Variants in TLE3 observed in about 807,000 individuals in gnomAD.
TLE3 encodes TLE family member 3, transcriptional corepressor, also known as transducin-like enhancer protein 3.
In TLE3, 14 loss-of-function variants were observed where a neutral mutation model predicts 93.0. That is an observed-to-expected ratio of 0.15 (90% confidence interval 0.10 to 0.24). TLE3 has a LOEUF of 0.24. Ranked by LOEUF, TLE3 falls within the 10% of genes least tolerant of loss-of-function variation. The pLI is 1.00. For missense variants in TLE3, 693 were observed against 1,046.6 expected (o/e 0.66, Z 4.66); for synonymous variants, 451 against 425.0 (o/e 1.06, Z -0.75).
chr15:70,057,904 T>A (rs1296400345), intron 12 of TLE3: 1 of 713,446 alleles, frequency 1.4e-6, no homozygotes, highest in African/African-American at 1.8e-5. Flanking sequence ...AGAGCCTCAC[T>A]GGACTAATGA....
At chr15:70,060,954 C>T (rs1184484755) in intron 8 of TLE3, among the ~76,000 whole-genome samples, 1 of 152,238 alleles carries the variant, frequency 6.6e-6, no homozygotes, top group South Asian at 2.1e-4. Flanking sequence ...GGACTACGCT[C>T]TGTGAGGGCG....
At chr15:70,050,736 G>C (rs1010800025) in intron 19 of TLE3, 2 of 157,854 alleles carry the variant, frequency 1.3e-5, no homozygotes, top group Non-Finnish European at 2.8e-5. Context: ...GAGGGAGTGA[G>C]AGAGAATGCA....
chr15:70,096,076 C>CCT, intron 2 of TLE3, 85 bp downstream of exon 2: 1 of 1,458,164 alleles, frequency 6.9e-7, no homozygotes, highest in Non-Finnish European at 9.2e-7. Context: ...TCGGGAGCCC[C>CCT]CTCCGTCCCC....
At chr15:70,075,971 C>G (rs1487772060) in intron 5 of TLE3, 125 bp downstream of exon 5, 1 of 846,738 alleles carries the variant, frequency 1.2e-6, no homozygotes, top group East Asian at 2.5e-5. Context: ...GTTGTCAGCT[C>G]AGTCAGTATG....
chr15:70,058,656 C>G lies in TLE3; in HGVS notation c.918+7G>C, dbSNP rs1445615385. 1 of 1,587,320 alleles carries G rather than the reference C, an allele frequency of 6.3e-7. No homozygotes were observed. The highest frequency in any genetic ancestry group is 8.6e-7 in the Non-Finnish European group (1 of 1,166,194). ...TTCCCACTCCCTTCCACCCAGACCC[C>G]ACATACATGACCAAGGTCTTTGGTC... On this transcript the variant is annotated splice_region_variant and intron_variant, in intron 11 of 19. Transcript: ENST00000451782. The surrounding 1 kb of genome is among the most constrained non-coding windows in gnomAD (Gnocchi z 4.1).
intron 16 of TLE3, 115 bp from the exon 17 acceptor site, chr15:70,053,489 T>A: frequency 8.1e-7 from 1 of 1,233,100 alleles, no homozygotes; most frequent in East Asian, 2.6e-5. Flanking sequence ...AAGAGTGCAC[T>A]ATGCGCATGG....
rs796156521 is a variant in TLE3 at position 70,052,777 on chromosome 15, A to C, written c.1975-253T>G. On this transcript the variant is annotated intron_variant, in intron 17 of 19. Transcript: ENST00000451782. The stretch of plus-strand genomic sequence containing the variant: ...GAAAAAAGTGAGTTAAAAAAAAAAA[A>C]CTAAAATATTAAAAATTTAAGATTA... The C allele has an allele frequency of 2.6e-5, 9 of 345,358 alleles. No individual in the cohort carries two copies. The Admixed American group carries it at 3.1e-4, about 12-fold the overall frequency. 21.4% of individuals were successfully genotyped at this position (345,358 alleles called of 1,614,324 possible). A position where few individuals can be genotyped will look rare whatever the true frequency, so the allele number is the denominator to read the frequency against.
chr15:70,055,476 C>CG (rs2055937987), intron 14 of TLE3, 178 bp from the exon 15 acceptor site: 2 of 682,728 alleles, frequency 2.9e-6, no homozygotes, highest in Non-Finnish European at 4.2e-6. Context: ...TCGAGGTAGA[C>CG]ATGATTAACA....
Position 70,096,936 on chromosome 15 carries a change from T to A in TLE3, c.-138A>T. 1.0e-6 allele frequency: 1 copy of A among 994,204 alleles called. No individual in the cohort carries two copies. Among genetic ancestry groups the A allele is most frequent in the Non-Finnish European group, 1.5e-6 (1 of 663,716 alleles). 61.6% of individuals were successfully genotyped at this position (994,204 alleles called of 1,614,324 possible). On this transcript the variant is annotated 5_prime_UTR_variant, in exon 1 of 20. Transcript: ENST00000451782. ...CTCGCCCCCGGCCCCCCCAGCTCGT[T>A]CTCGCAGCGAAATCCCAGAGTCGGG...
At chr15:70,086,063 C>T (rs1443125144) in intron 4 of TLE3, among the ~76,000 whole-genome samples, 1 of 152,182 alleles carries the variant, frequency 6.6e-6, no homozygotes, top group Non-Finnish European at 1.5e-5. Context: ...TCCCCTGCTC[C>T]TCCTTCCTCT....
Position 70,059,402 on chromosome 15 carries a change from G to A in TLE3, c.765+8C>T. 6.2e-7 allele frequency: 1 copy of A among 1,608,890 alleles called. No homozygotes were observed. The highest frequency in any genetic ancestry group is 8.5e-7 in the Non-Finnish European group (1 of 1,177,624). On this transcript the variant is annotated splice_region_variant and intron_variant, in intron 10 of 19. Coordinates refer to ENST00000451782, the MANE Select transcript of TLE3 (RefSeq NM_001105192.3). ...CAAGAGCCCCCTTGCGACCGGGCCT[G>A]CCCATACCTCATTGGAAACATCCAC...
chr15:70,056,817 G>C (rs1247630172), intron 13 of TLE3, among the ~76,000 whole-genome samples: 3 of 152,196 alleles, frequency 2.0e-5, no homozygotes, highest in Non-Finnish European at 2.9e-5. Context: ...GCTGGAGCGC[G>C]GTGGTGCAAT....
At chr15:70,051,234 C>T (rs901599032) in intron 19 of TLE3, 157 bp downstream of exon 19, 2 of 644,896 alleles carry the variant, frequency 3.1e-6, no homozygotes, top group Non-Finnish European at 5.2e-6. Flanking sequence ...CCCAATCTTG[C>T]TCCCCTATCA....
chr15:70,096,649 G>C, intron 1 of TLE3, 126 bp downstream of exon 1: 2 of 1,551,226 alleles, frequency 1.3e-6, no homozygotes, highest in South Asian at 1.2e-5. Context: ...CCCCCTTTGT[G>C]TGAGAGCACA....
intron 4 of TLE3, among the ~76,000 whole-genome samples, chr15:70,085,756 C>T (rs2058011365): frequency 1.3e-5 from 2 of 152,238 alleles, no homozygotes; most frequent in Non-Finnish European, 2.9e-5. Flanking sequence ...CAGGCTGCTT[C>T]TCCCCCATTT....
intron 2 of TLE3, chr15:70,095,915 G>T (rs117569265): frequency 1.6e-6 from 1 of 634,002 alleles, no homozygotes. Context: ...AGAACCCGGA[G>T]TGAACCCGCT....
intron 6 of TLE3, among the ~76,000 whole-genome samples, chr15:70,073,702 G>A (rs2057299226): frequency 6.6e-6 from 1 of 152,228 alleles, no homozygotes; most frequent in Non-Finnish European, 1.5e-5. Flanking sequence ...AGGTGGACAG[G>A]TACACCCCAA....
At chr15:70,068,943 T>G (rs1486973744) in intron 6 of TLE3, among the ~76,000 whole-genome samples, 2 of 152,236 alleles carry the variant, frequency 1.3e-5, no homozygotes, top group Non-Finnish European at 2.9e-5. Flanking sequence ...CTTTATCAGC[T>G]ATGAGTCCTT....
chr15:70,085,342 G>T (rs891511996), intron 4 of TLE3, among the ~76,000 whole-genome samples: 5 of 152,128 alleles, frequency 3.3e-5, no homozygotes, highest in African/African-American at 1.2e-4. Flanking sequence ...AACTCTCCAG[G>T]ATCACCCGGC....
Sources: allele counts gnomAD v4.1 joint callset (sites outside exome capture counted in the v4.1 genomes callset), GRCh38; gene constraint gnomAD v4.1.1; non-coding constraint Gnocchi (gnomAD v3.1); transcripts MANE v1.5; gene names NCBI Gene and HGNC (gene_info 2026-07-23, HGNC 2026-07-21).